CTNNA2: variants seen among roughly 807,000 people sequenced by gnomAD.
CTNNA2 encodes the protein catenin alpha-2.
Under a neutral mutation model 101.0 loss-of-function variants are expected in CTNNA2, and 42 were observed. That is an observed-to-expected ratio of 0.42 (90% CI 0.32 to 0.54). CTNNA2 has a LOEUF of 0.54. CTNNA2 is among the 20% of genes least tolerant of loss of function. CTNNA2 has a pLI of 0.14. For missense variants in CTNNA2, 871 were observed against 1,223.1 expected (o/e 0.71, Z 4.29); for synonymous variants, 450 against 456.4 (o/e 0.99, Z 0.18).
chr2:79,840,625 T>C (rs1003707154), intron 3 of CTNNA2, among the ~76,000 whole-genome samples: 2 of 152,182 alleles, frequency 1.3e-5, no homozygotes, highest in African/African-American at 4.8e-5. Context: ...ATTTTAATGA[T>C]GGCATTTTTT....
chr2:80,593,028 A>G (rs1460865047), intron 15 of CTNNA2, among the ~76,000 whole-genome samples: 1 of 152,186 alleles, frequency 6.6e-6, no homozygotes, highest in Non-Finnish European at 1.5e-5. Flanking sequence ...TCCTAAAGAG[A>G]GAAGGTTTCA....
At chr2:79,724,145 T>C (rs914701702) in intron 2 of CTNNA2, among the ~76,000 whole-genome samples, 1 of 152,094 alleles carries the variant, frequency 6.6e-6, no homozygotes, top group Non-Finnish European at 1.5e-5. Flanking sequence ...TAGTGCCTAA[T>C]AGCTTCTGGT....
chr2:80,083,362 C>T (rs1196234585), intron 7 of CTNNA2, among the ~76,000 whole-genome samples: 2 of 152,096 alleles, frequency 1.3e-5, no homozygotes, highest in Non-Finnish European at 2.9e-5. Flanking sequence ...CTATTAACTG[C>T]TTCAGTAGGC....
At chr2:80,570,610 T>C (rs747473771) in intron 12 of CTNNA2, among the ~76,000 whole-genome samples, 26 of 152,216 alleles carry the variant, frequency 1.7e-4, no homozygotes, top group Non-Finnish European at 3.2e-4. Context: ...TTTTATGTTT[T>C]ACTGGCCAAA....
At chr2:79,278,507 A>G (rs769366980) in intron 2 of CTNNA2, among the ~76,000 whole-genome samples, 7 of 123,256 alleles carry the variant, frequency 5.7e-5, no homozygotes, top group Non-Finnish European at 1.0e-4. Context: ...CCAAAATGAC[A>G]TCCCCAAGCC....
At chr2:79,875,971 A>T (rs1189457297) in intron 6 of CTNNA2, among the ~76,000 whole-genome samples, 3 of 152,008 alleles carry the variant, frequency 2.0e-5, no homozygotes, top group East Asian at 1.9e-4. Context: ...AATAATTTTT[A>T]AAAAGTTAAT....
intron 6 of CTNNA2, among the ~76,000 whole-genome samples, chr2:79,905,309 CTA>C (rs1685345984): frequency 6.6e-6 from 1 of 152,100 alleles, no homozygotes; most frequent in Non-Finnish European, 1.5e-5. Flanking sequence ...TGCAGGCCCT[CTA>C]TCTGTAAATG....
chr2:79,798,854 T>C (rs747852886), intron 3 of CTNNA2, among the ~76,000 whole-genome samples: 8 of 152,194 alleles, frequency 5.3e-5, no homozygotes, highest in Non-Finnish European at 1.0e-4. Context: ...AGTGGTTTCA[T>C]TTGTTTTCAC....
intron 3 of CTNNA2, among the ~76,000 whole-genome samples, chr2:79,338,614 T>TTCC: frequency 6.7e-6 from 1 of 149,488 alleles, no homozygotes; most frequent in South Asian, 2.2e-4. Context: ...CTTCTTCTTC[T>TTCC]TCTTCTTCTT....
At chr2:79,446,694 T>A (rs1678837038) in intron 4 of CTNNA2, among the ~76,000 whole-genome samples, 1 of 151,962 alleles carries the variant, frequency 6.6e-6, no homozygotes, top group African/African-American at 2.4e-5. Flanking sequence ...AGCTTTAAGC[T>A]CAAGCCCAGA....
chr2:80,589,860 CTGTGTGTGTGTGTGTG>C lies in CTNNA2; in HGVS notation c.2189+406_2189+421del, dbSNP rs59206973. Reference sequence around the variant, plus strand: ...TATACCTTTGGAAAAATATGTACCTCTGTGTGTGTGTGTGTGTGTGTGTGTGTGTGTGTGTGTGTGT... The same window carrying C: ...TATACCTTTGGAAAAATATGTACCTCTGTGTGTGTGTGTGTGTGTGTGTGT... On this transcript the variant is annotated intron_variant, in intron 15 of 18. Coordinates refer to ENST00000402739, the MANE Select transcript of CTNNA2 (RefSeq NM_001282597.3). Among the ~76,000 whole-genome samples the C allele has an allele frequency of 3.0e-4, 42 of 140,578 alleles. 1 individual carries two copies. The highest frequency in any genetic ancestry group is 6.4e-4 in the Admixed American group (9 of 13,998). The allele number at this position is 140,578 out of a possible 152,430, so 92.2% of individuals were successfully genotyped here. A position where few individuals can be genotyped will look rare whatever the true frequency, so the allele number is the denominator to read the frequency against.
At chr2:79,549,526 T>C (rs1673956707) in intron 1 of CTNNA2, among the ~76,000 whole-genome samples, 1 of 152,204 alleles carries the variant, frequency 6.6e-6, no homozygotes, top group South Asian at 2.1e-4. Context: ...AAGTATATAC[T>C]CTTTTCTTTG....
At chr2:80,184,821 T>G (rs1004432050) in intron 7 of CTNNA2, among the ~76,000 whole-genome samples, 3 of 152,226 alleles carry the variant, frequency 2.0e-5, no homozygotes, top group African/African-American at 7.2e-5. Context: ...GCTTATGTAA[T>G]TTCTTCGCTA....
At chr2:80,594,846 T>C (rs1340380890) in intron 15 of CTNNA2, among the ~76,000 whole-genome samples, 3 of 152,088 alleles carry the variant, frequency 2.0e-5, no homozygotes, top group Non-Finnish European at 4.4e-5. Context: ...AGGATCTATT[T>C]CTGAACTCCA....
At chr2:79,888,622 C>A (rs1329033013) in intron 6 of CTNNA2, among the ~76,000 whole-genome samples, 1 of 152,042 alleles carries the variant, frequency 6.6e-6, no homozygotes, top group Non-Finnish European at 1.5e-5. Flanking sequence ...CAATTTATAT[C>A]TTGATTTTTT....
intron 8 of CTNNA2, among the ~76,000 whole-genome samples, chr2:80,417,067 T>C (rs1680105591): frequency 6.6e-6 from 1 of 151,996 alleles, no homozygotes; most frequent in African/African-American, 2.4e-5. Context: ...AATACCTTGG[T>C]TGATAATTAC....
chr2:79,490,921 C>T (rs1671201673), intron 4 of CTNNA2, among the ~76,000 whole-genome samples: 1 of 152,170 alleles, frequency 6.6e-6, no homozygotes, highest in Non-Finnish European at 1.5e-5. Flanking sequence ...CCCCATACCC[C>T]ATTGTGATAT....
chr2:79,650,272 T>C (rs1212951964), intron 1 of CTNNA2, among the ~76,000 whole-genome samples: 1 of 151,844 alleles, frequency 6.6e-6, no homozygotes, highest in Non-Finnish European at 1.5e-5. Context: ...AGGATTGCTT[T>C]AGAGTGAAAT....
intron 7 of CTNNA2, among the ~76,000 whole-genome samples, chr2:80,189,719 G>C (rs920019652): frequency 1.3e-5 from 2 of 151,522 alleles, no homozygotes; most frequent in Non-Finnish European, 2.9e-5. Context: ...TACCAGACTA[G>C]AGGTGACTAG....
Sources: gnomAD v4.1 joint callset for allele counts (sites outside exome capture counted in the v4.1 genomes callset) on GRCh38, gnomAD v4.1.1 for gene constraint, MANE v1.5 for transcripts, NCBI Gene and HGNC (gene_info 2026-07-23, HGNC 2026-07-21) for gene names.